PLXNA3: variants seen among roughly 807,000 people sequenced by gnomAD.
The protein encoded by PLXNA3 is plexin-A3.
Under a neutral mutation model 118.8 loss-of-function variants are expected in PLXNA3, and 52 were observed. The observed-to-expected ratio is 0.44, with a 90% CI of 0.35 to 0.55. The LOEUF (loss-of-function observed/expected upper bound fraction) is 0.55. Ranked by LOEUF, PLXNA3 falls within the 20% of genes least tolerant of loss-of-function variation. The pLI is 0.01. For missense variants in PLXNA3, 1,660 were observed against 1,730.8 expected, an observed-to-expected ratio of 0.96 and a Z score of 0.73; for synonymous variants, 925 against 762.4, an observed-to-expected ratio of 1.21 and a Z score of -3.51.
chrX:154,475,316 G>C lies in PLXNA3; in HGVS notation c.*2631G>C, dbSNP rs1557210698. On this transcript the variant is annotated 3_prime_UTR_variant, in exon 33 of 33. Coordinates refer to ENST00000369682, the MANE Select transcript of PLXNA3 (RefSeq NM_017514.5). ...GGGTTTCTCCATGTTGGTCAGGCTG[G>C]TCTCGAGCTCCCGACCTCAGGTGAT... 9.0e-6 allele frequency: 1 copy of C among 110,805 alleles called. No individual in the cohort carries two copies. The highest frequency in any genetic ancestry group is 3.3e-5 in the African/African-American group (1 of 30,474). The allele number at this position is 110,805 out of a possible 1,213,427, so 9.1% of individuals were successfully genotyped here. A position where few individuals can be genotyped will look rare whatever the true frequency, so the allele number is the denominator to read the frequency against.
chrX:154,472,772 G>A lies in PLXNA3; in HGVS notation c.*87G>A. 1.4e-6 allele frequency: 1 copy of A among 698,094 alleles called. No homozygotes were observed. Among genetic ancestry groups the A allele is most frequent in the East Asian group, 3.3e-5 (1 of 30,509 alleles). The allele number at this position is 698,094 out of a possible 1,213,427, so 57.5% of individuals were successfully genotyped here. On this transcript the variant is annotated 3_prime_UTR_variant, in exon 33 of 33. Coordinates refer to ENST00000369682, the MANE Select transcript of PLXNA3 (RefSeq NM_017514.5). Reference sequence around the variant, plus strand: ...TGGCTGGCTCAAGCCTGGGTCCCCGGGCTGAGCCCTGGATTGGGTATCGTG... The same window carrying A: ...TGGCTGGCTCAAGCCTGGGTCCCCGAGCTGAGCCCTGGATTGGGTATCGTG...
At position 154,461,339 on chromosome X, in the gene PLXNA3, C is replaced by T. The variant is rs1557204271; in HGVS notation, c.835C>T (p.Pro279Ser). 1 of 1,212,418 alleles carries T rather than the reference C, an allele frequency of 8.2e-7. No homozygotes were observed. Among genetic ancestry groups the T allele is most frequent in the East Asian group, 3.0e-5 (1 of 33,882 alleles). Residue 279 changes from proline to serine, a missense_variant, in exon 3 of 33, where the codon CCC becomes TCC. Coordinates refer to ENST00000369682, the MANE Select transcript of PLXNA3 (RefSeq NM_017514.5). ...AGAGTTCTACTCATACGTGGAATTCCCCATCGGCTGCTCCTGGCGCGGCGT... is the reference window on the plus strand; with the variant it reads ...AGAGTTCTACTCATACGTGGAATTCTCCATCGGCTGCTCCTGGCGCGGCGT... ...DSEFYSYVEFPIGCSWRGVEY... is the reference protein window; with the variant it reads ...DSEFYSYVEFSIGCSWRGVEY...
rs782648669 is a variant in PLXNA3, at chrX:154,468,176, C to A, written c.3915C>A (p.Arg1305=). The change falls in exon 22 of 33, where the codon CGC becomes CGA. Residue 1305 remains arginine, a synonymous_variant. Transcript: ENST00000369682. The part of the protein sequence containing the change: ...PFLDYRTYAV[R]VLFPGIEAHP... ...TGGACTACCGGACTTACGCCGTGCG[C>A]GTGCTCTTCCCGGGCATCGAGGCCC... 5.1e-5 allele frequency: 61 copies of A among 1,185,115 alleles called. No individual in the cohort carries two copies. The highest frequency in any genetic ancestry group is 6.8e-5 in the Non-Finnish European group (60 of 881,710).
chrX:154,469,510 A>G (rs2069149220), intron 27 of PLXNA3, 28 bp downstream of exon 27: 1 of 1,122,637 alleles, frequency 8.9e-7, no homozygotes, highest in Non-Finnish European at 1.2e-6. Context: ...ATTCCTCCCC[A>G]GGGCCACCTG....
intron 11 of PLXNA3, 32 bp downstream of exon 11, chrX:154,465,250 T>C (rs782104022): frequency 5.2e-6 from 6 of 1,159,797 alleles, no homozygotes; most frequent in Non-Finnish European, 7.0e-6. Flanking sequence ...CCCTTCGGGG[T>C]CTGGGCTGTG....
intron 28 of PLXNA3, 78 bp from the exon 29 acceptor site, chrX:154,469,899 C>G: frequency 8.8e-7 from 1 of 1,135,063 alleles, no homozygotes; most frequent in Non-Finnish European, 1.2e-6. Flanking sequence ...GATGGGTCCC[C>G]ACATGCTGCT....
chrX:154,472,559 A>C (rs1557209803), intron 32 of PLXNA3, 31 bp from the exon 33 acceptor site: 1 of 1,041,530 alleles, frequency 9.6e-7, no homozygotes, highest in Non-Finnish European at 1.3e-6. Flanking sequence ...CCCCCTACAG[A>C]GCCCAGCTCC....
At chrX:154,469,591 C>T in intron 27 of PLXNA3, 97 bp from the exon 28 acceptor site, 2 of 936,677 alleles carry the variant, frequency 2.1e-6, no homozygotes, top group Non-Finnish European at 3.1e-6. Flanking sequence ...CGCCCTTCTC[C>T]CTGGGCTCGT....
chrX:154,467,570 C>A lies in PLXNA3; in HGVS notation c.3467C>A (p.Ala1156Asp). The change falls in exon 20 of 33, where the codon GCC (alanine) becomes GAC (aspartate). Residue 1156 changes from alanine (A) to aspartate (D), a missense_variant. Physicochemically the swap from Ala to Asp is moderately radical, Grantham distance 126. Around this residue, in one of 2 missense-constraint regions of PLXNA3, gnomAD observed 869 missense variants for 1,078.7 expected, o/e 0.81. Coordinates refer to ENST00000369682, the MANE Select transcript of PLXNA3 (RefSeq NM_017514.5). ...LKGKNLIPAA[A>D]GSSRLNYTVL... ...GGCAAGAACCTGATTCCCGCTGCAG[C>A]CGGCAGCTCCCGCCTCAACTACACT... The A allele has an allele frequency of 8.4e-7, 1 of 1,192,506 alleles. No homozygotes were observed.
chrX:154,464,258 A>T lies in PLXNA3; in HGVS notation c.1773A>T (p.Glu591Asp). Residue 591 changes from glutamate (E) to aspartate (D), a missense_variant, in exon 8 of 33, where the codon GAA (glutamate) becomes GAT (aspartate). Glu to Asp is a conservative substitution (Grantham distance 45, BLOSUM62 2). Coordinates refer to ENST00000369682, the MANE Select transcript of PLXNA3 (RefSeq NM_017514.5). ...ENEAVLLPSG[E>D]LLCPSPSLQE... is the part of the protein sequence containing the mutation. ...AGGCGGTCCTGCTGCCCTCCGGTGA[A>T]CTGCTCTGCCCCTCACCCTCCCTCC... 1.7e-6 allele frequency: 2 copies of T among 1,208,364 alleles called. No individual in the cohort carries two copies. The highest frequency in any genetic ancestry group is 2.2e-6 in the Non-Finnish European group (2 of 894,895).
In PLXNA3 at chrX:154,469,410, C is replaced by T. The variant is rs375813682; in HGVS notation, c.4626C>T (p.Ile1542=). ...GCCAGGGCCGCATGACTCGCATCAT[C>T]CTCCAGGATGAGGATGTCACCACCA... ...EWRQGRMTRI[I]LQDEDVTTKI... The change falls in exon 27 of 33, where the codon ATC becomes ATT. Residue 1542 remains isoleucine (I), a synonymous_variant. Transcript: ENST00000369682. 7.4e-5 allele frequency: 90 copies of T among 1,208,797 alleles called. No homozygotes were observed. Among genetic ancestry groups the T allele is most frequent in the Non-Finnish European group, 8.9e-5 (80 of 894,061 alleles).
intron 5 of PLXNA3, 27 bp from the exon 6 acceptor site, chrX:154,463,563 G>GGGGGGGGGC: frequency 7.1e-6 from 7 of 990,467 alleles, no homozygotes; most frequent in African/African-American, 2.2e-5. Context: ...GCGGGGGTGG[G>GGGGGGGGGC]CTGGGTGCTG....
chrX:154,475,941 G>A lies in PLXNA3; in HGVS notation c.*3256G>A, dbSNP rs1425800649. ...CCCAGCACTTTTGGAGGCCCAGGCG[G>A]GAAGATCACTGGAGCCCAGGAGTTC... On this transcript the variant is annotated 3_prime_UTR_variant, in exon 33 of 33. Transcript: ENST00000369682. 9.0e-6 allele frequency: 1 copy of A among 111,558 alleles called. No homozygotes were observed. Among genetic ancestry groups the A allele is most frequent in the African/African-American group, 3.3e-5 (1 of 30,625 alleles). The allele number at this position is 111,558 out of a possible 1,213,427, so 9.2% of individuals were successfully genotyped here. A position where few individuals can be genotyped will look rare whatever the true frequency, so the allele number is the denominator to read the frequency against.
rs145476494 is a variant in PLXNA3 at position 154,466,192 on chromosome X, G to C, written c.2721G>C (p.Pro907=). Residue 907 remains proline (P), a synonymous_variant, in exon 15 of 33, where the codon CCG becomes CCC. Transcript: ENST00000369682. ...AGGAGTCGCTGGTGCCCAGCCCGCC[G>C]CCGGGGCCCGTGGAGCTGTGTGTGG... ...EMEESLVPSP[P]PGPVELCVGD... is the part of the protein sequence containing the mutation. The C allele has an allele frequency of 1.3e-3, 1,565 of 1,208,612 alleles. 1 individual carries two copies. The highest frequency in any genetic ancestry group is 1.6e-3 in the Non-Finnish European group (1,434 of 895,235).
At chrX:154,459,248 T>C in intron 1 of PLXNA3, among the ~76,000 whole-genome samples, 1 of 100,827 alleles carries the variant, frequency 9.9e-6, no homozygotes, top group Middle Eastern at 4.9e-3. Flanking sequence ...CGCTGAGCCC[T>C]GCCCTGTTGG....
At chrX:154,462,095 T>C in intron 3 of PLXNA3, 33 bp from the exon 4 acceptor site, 1 of 1,137,409 alleles carries the variant, frequency 8.8e-7, no homozygotes, top group Non-Finnish European at 1.2e-6. Context: ...CTGGGAGCTT[T>C]GACTCTCACG....
chrX:154,464,364 C>A, intron 8 of PLXNA3, 38 bp from the exon 9 acceptor site: 1 of 1,201,221 alleles, frequency 8.3e-7, no homozygotes, highest in Non-Finnish European at 1.1e-6. Flanking sequence ...CCTCTCCCTA[C>A]CCCCAGCGAG....
In PLXNA3 at chrX:154,467,657, C is replaced by T. The variant is rs145193117; in HGVS notation, c.3554C>T (p.Ser1185Leu). ...TVSDTQLLCD[S>L]PSQTGRQPVM... ...TCGGACACACAACTCCTGTGCGACT[C>T]ACCCAGCCAGACTGGCCGGCAGCCT... Residue 1185 changes from serine (S) to leucine (L), a missense_variant, in exon 20 of 33, where the codon TCA becomes TTA. By Grantham distance (145) the Ser-to-Leu change is moderately radical. Around this residue, in one of 2 missense-constraint regions of PLXNA3, gnomAD observed 869 missense variants for 1,078.7 expected, o/e 0.81. Coordinates refer to ENST00000369682, the MANE Select transcript of PLXNA3 (RefSeq NM_017514.5). 2.5e-6 allele frequency: 3 copies of T among 1,208,471 alleles called. No individual in the cohort carries two copies. Among genetic ancestry groups the T allele is most frequent in the Admixed American group, 2.2e-5 (1 of 45,824 alleles).
Position 154,472,586 on chromosome X carries a change from C to G in PLXNA3, c.5521-4C>G, listed in dbSNP as rs1187680670. The G allele has an allele frequency of 1.7e-6, 2 of 1,194,665 alleles. No homozygotes were observed. On this transcript the variant is annotated splice_region_variant and splice_polypyrimidine_tract_variant and intron_variant, in intron 32 of 32. Transcript: ENST00000369682. ...CCCAGCTCCAGGGGACTCCTCTCCCCCAGATTCTCACGGCTCTGGACCGAG... is the reference window on the plus strand; with the variant it reads ...CCCAGCTCCAGGGGACTCCTCTCCCGCAGATTCTCACGGCTCTGGACCGAG...
Sources: gnomAD v4.1 joint callset for allele counts (sites outside exome capture counted in the v4.1 genomes callset) on GRCh38, gnomAD v4.1.1 for gene constraint, gnomAD v4.1.1 regional missense constraint, MANE v1.5 for transcripts, NCBI Gene and HGNC (gene_info 2026-07-23, HGNC 2026-07-21) for gene names.